ZNF609: variants seen among roughly 807,000 people sequenced by gnomAD.
ZNF609 encodes zinc finger protein 609.
ZNF609 carries 11 observed loss-of-function variants against 109.5 expected under a neutral mutation model. The observed-to-expected ratio is 0.10, with a 90% CI of 0.06 to 0.17. The LOEUF is 0.17. Among genes scored for constraint, ZNF609 ranks in the 10% least tolerant of loss-of-function variants. The pLI is 1.00. For missense variants in ZNF609, 1,559 were observed against 1,772.4 expected (o/e 0.88, Z 2.16); for synonymous variants, 646 against 662.0 (o/e 0.98, Z 0.37).
intron 1 of ZNF609, among the ~76,000 whole-genome samples, chr15:64,495,800 C>T (rs539258448): frequency 5.8e-4 from 87 of 149,932 alleles, no homozygotes; most frequent in African/African-American, 1.9e-3. Flanking sequence ...CTAAGTTACA[C>T]ATTTTCATTT....
chr15:64,555,568 G>A (rs1380597699), intron 2 of ZNF609, among the ~76,000 whole-genome samples: 1 of 150,190 alleles, frequency 6.7e-6, no homozygotes, highest in Non-Finnish European at 1.5e-5. Flanking sequence ...TTGGGAGGCC[G>A]TTAAGCGAAA....
intron 2 of ZNF609, chr15:64,528,535 C>T (rs1894006744): frequency 9.3e-6 from 5 of 536,598 alleles, no homozygotes; most frequent in Non-Finnish European, 1.7e-5. Context: ...CCTCCCTCTC[C>T]AAGGGGTCTG....
chr15:64,670,769 T>C (rs1183618237), intron 4 of ZNF609, among the ~76,000 whole-genome samples: 1 of 150,958 alleles, frequency 6.6e-6, no homozygotes, highest in African/African-American at 2.4e-5. Flanking sequence ...TCCCAGCTGC[T>C]TGAGAGGGTG....
At position 64,623,320 on chromosome 15, in the gene ZNF609, G is replaced by T. The variant is rs188055427; in HGVS notation, c.973+268G>T. ...AGGTATTGGCCAGGTAATTCAAACT[G>T]TATCTGTACTCTCCATATTTTATAT... is the stretch of plus-strand genomic sequence containing the variant. On this transcript the variant is annotated intron_variant, in intron 3 of 9. Transcript: ENST00000326648. Among the ~76,000 whole-genome samples the T allele has an allele frequency of 3.1e-4, 47 of 152,246 alleles. No homozygotes were observed. In the East Asian group the frequency reaches 7.5e-3, roughly 24 times the overall value.
At chr15:64,529,643 C>A in intron 2 of ZNF609, 1 of 830,102 alleles carries the variant, frequency 1.2e-6, no homozygotes, top group Non-Finnish European at 2.1e-6. Flanking sequence ...ACGACCAAAT[C>A]TGTTGACTCT....
At chr15:64,497,442 C>A (rs898869605) in intron 1 of ZNF609, among the ~76,000 whole-genome samples, 1 of 152,186 alleles carries the variant, frequency 6.6e-6, no homozygotes, top group South Asian at 2.1e-4. Context: ...CTTGCCCCTA[C>A]ACCCTAGTTC....
At chr15:64,474,285 C>T (rs1394958797) in intron 1 of ZNF609, among the ~76,000 whole-genome samples, 1 of 151,480 alleles carries the variant, frequency 6.6e-6, no homozygotes, top group Non-Finnish European at 1.5e-5. Context: ...ACAATCTCGG[C>T]TCACTGCAAC....
chr15:64,657,130 G>A (rs988497189), intron 3 of ZNF609, among the ~76,000 whole-genome samples: 9 of 151,820 alleles, frequency 5.9e-5, no homozygotes, highest in South Asian at 2.1e-4. Flanking sequence ...ATGGTGATGC[G>A]TGCCTGTAGT....
chr15:64,573,346 CTTTTTTTTT>C lies in ZNF609; in HGVS notation c.748-49463_748-49455del, dbSNP rs71133442. The stretch of plus-strand genomic sequence containing the variant: ...GCAGTAGAGTTAGTGGCCCAACTTT[CTTTTTTTTT>C]TTTTTTTTTTTTTTTTTGAGACGGA... On this transcript the variant is annotated intron_variant, in intron 2 of 9. Transcript: ENST00000326648. Among the ~76,000 whole-genome samples, 9 of 72,978 alleles carry C rather than the reference CTTTTTTTTT, an allele frequency of 1.2e-4. 1 individual carries two copies. The highest frequency in any genetic ancestry group is 2.2e-4 in the Admixed American group (1 of 4,556). The allele number at this position is 72,978 out of a possible 152,430, so 47.9% of individuals were successfully genotyped here.
intron 2 of ZNF609, among the ~76,000 whole-genome samples, chr15:64,574,256 T>C (rs1162882707): frequency 6.6e-6 from 1 of 151,960 alleles, no homozygotes; most frequent in Non-Finnish European, 1.5e-5. Context: ...TCAGTAGTTT[T>C]TTGTTTTATT....
chr15:64,678,109 G>C lies in ZNF609; in HGVS notation c.3403-7G>C, dbSNP rs1043263988. The C allele has an allele frequency of 3.1e-6, 5 of 1,608,368 alleles. No individual in the cohort carries two copies. The African/African-American group carries it at 4.0e-5, about 13-fold the overall frequency. ...AACACCCAGTCGTTGTTCTGTGATT[G>C]TTGTAGGAGGCAGAGCCCCGGATGT... On this transcript the variant is annotated splice_polypyrimidine_tract_variant and splice_region_variant and intron_variant, in intron 5 of 9. Transcript: ENST00000326648.
chr15:64,605,716 T>C (rs1364985616), intron 2 of ZNF609, among the ~76,000 whole-genome samples: 2 of 138,490 alleles, frequency 1.4e-5, no homozygotes, highest in African/African-American at 6.7e-5. Context: ...AGAGCTGAGA[T>C]TTTTTTTTCT....
chr15:64,660,803 G>C (rs1284252337), intron 3 of ZNF609, among the ~76,000 whole-genome samples: 2 of 152,126 alleles, frequency 1.3e-5, no homozygotes, highest in East Asian at 1.9e-4. Flanking sequence ...AGAGCTCGCT[G>C]TCTCACCTCT....
At chr15:64,612,470 G>C (rs941133960) in intron 2 of ZNF609, among the ~76,000 whole-genome samples, 1 of 151,960 alleles carries the variant, frequency 6.6e-6, no homozygotes, top group Admixed American at 6.6e-5. Context: ...TCTTAGAACT[G>C]TTTGAAGACT....
At chr15:64,510,996 T>G (rs1342647665) in intron 2 of ZNF609, among the ~76,000 whole-genome samples, 22 of 152,096 alleles carry the variant, frequency 1.4e-4, no homozygotes, top group Non-Finnish European at 2.9e-5. Context: ...TTGATTTTTT[T>G]TTTTTTTTTG....
intron 3 of ZNF609, among the ~76,000 whole-genome samples, chr15:64,647,441 T>C (rs1231472811): frequency 6.6e-6 from 1 of 152,160 alleles, no homozygotes; most frequent in Non-Finnish European, 1.5e-5. Flanking sequence ...AAAGTCAAAA[T>C]TCACCAAGAG....
At chr15:64,484,666 ACT>A (rs1893305688) in intron 1 of ZNF609, among the ~76,000 whole-genome samples, 1 of 70,776 alleles carries the variant, frequency 1.4e-5, no homozygotes, top group South Asian at 4.3e-4. Context: ...ACAGGGTGAG[ACT>A]CTGTCTCAAA....
In ZNF609 at chr15:64,598,742, GTATATATATATATATATA is replaced by G. The variant is rs1169879124; in HGVS notation, c.748-24057_748-24040del. Among the ~76,000 whole-genome samples, 117 of 60,278 alleles carry G rather than the reference GTATATATATATATATATA, an allele frequency of 1.9e-3. 2 individuals are homozygous for G. Among genetic ancestry groups the G allele is most frequent in the East Asian group, 8.3e-3 (15 of 1,808 alleles). The allele number at this position is 60,278 out of a possible 152,430, so 39.5% of individuals were successfully genotyped here. A position where few individuals can be genotyped will look rare whatever the true frequency, so the allele number is the denominator to read the frequency against. On this transcript the variant is annotated intron_variant, in intron 2 of 9. Transcript: ENST00000326648. Reference sequence around the variant, plus strand: ...CTGTCCATCATACATCTTTGTGTGTGTATATATATATATATATATATATATATATATATATATATATAT... The same window carrying G: ...CTGTCCATCATACATCTTTGTGTGTGTATATATATATATATATATATATAT...
intron 1 of ZNF609, among the ~76,000 whole-genome samples, chr15:64,493,464 G>GT (rs1893441956): frequency 6.6e-6 from 1 of 152,140 alleles, no homozygotes; most frequent in African/African-American, 2.4e-5. Context: ...ATTATGATAT[G>GT]TTTTTTAAGC....
Sources: allele counts gnomAD v4.1 joint callset (sites outside exome capture counted in the v4.1 genomes callset), GRCh38; gene constraint gnomAD v4.1.1; transcripts MANE v1.5; gene names NCBI Gene and HGNC (gene_info 2026-07-23, HGNC 2026-07-21).